The following NCKAP5 variants were observed in gnomAD, a reference collection of about 807,000 sequenced individuals.
NCKAP5 encodes the protein nck-associated protein 5.
NCKAP5 carries 92 observed loss-of-function variants against 167.0 expected under a neutral mutation model. That is an observed-to-expected ratio of 0.55 (90% CI 0.47 to 0.66). The LOEUF is 0.66. Ranked by LOEUF, NCKAP5 falls within the 30% of genes least tolerant of loss-of-function variation. NCKAP5 has a pLI of 0.00. For synonymous variants in NCKAP5, 891 were observed against 877.4 expected, an observed-to-expected ratio of 1.02 and a Z score of -0.27; for missense variants, 2,378 against 2,315.0, an observed-to-expected ratio of 1.03 and a Z score of -0.56.
At chr2:133,531,985 A>T (rs1685404411) in intron 2 of NCKAP5, among the ~76,000 whole-genome samples, 1 of 152,188 alleles carries the variant, frequency 6.6e-6, no homozygotes, top group Non-Finnish European at 1.5e-5. Context: ...CCCCTGTAGT[A>T]GGAAAGCATT....
chr2:133,609,202 G>A, the NCKAP5 span, among the ~76,000 whole-genome samples: 1 of 151,966 alleles, frequency 6.6e-6, no homozygotes, highest in Admixed American at 6.6e-5. Flanking sequence ...CTGCTTTGTG[G>A]GATTTTTTAA....
intron 6 of NCKAP5, among the ~76,000 whole-genome samples, chr2:133,074,219 C>T (rs1363834996): frequency 6.6e-6 from 1 of 151,592 alleles, no homozygotes; most frequent in Non-Finnish European, 1.5e-5. Flanking sequence ...GAAACAATTC[C>T]TGAGATGATG....
intron 8 of NCKAP5, 50 bp from the exon 9 acceptor site, chr2:132,878,966 T>A: frequency 7.0e-7 from 1 of 1,436,040 alleles, no homozygotes; most frequent in Non-Finnish European, 9.8e-7. Context: ...AATGTTGTGT[T>A]ATGTGACAAC....
chr2:132,898,383 G>T (rs1313926669), intron 8 of NCKAP5, among the ~76,000 whole-genome samples: 2 of 152,144 alleles, frequency 1.3e-5, no homozygotes, highest in African/African-American at 4.8e-5. Context: ...GTTATCCATT[G>T]GGGTTGGAAT....
the NCKAP5 span, among the ~76,000 whole-genome samples, chr2:133,586,713 C>A: frequency 6.6e-6 from 1 of 151,250 alleles, no homozygotes; most frequent in Non-Finnish European, 1.5e-5. Flanking sequence ...ATCTGGGGTA[C>A]AATCATTGGC....
At chr2:133,265,235 C>T (rs2089133150) in intron 4 of NCKAP5, 1 of 152,250 alleles carries the variant, frequency 6.6e-6, no homozygotes, top group South Asian at 2.1e-4. Flanking sequence ...CGTCCAGCAA[C>T]ACGGGCCTCA....
chr2:133,424,715 C>T lies in NCKAP5; in HGVS notation c.69+92743G>A, dbSNP rs533479627. 1.4e-4 allele frequency among the ~76,000 whole-genome samples: 22 copies of T among 152,218 alleles called. No homozygotes were observed. The South Asian group carries it at 3.9e-3, about 27-fold the overall frequency. On this transcript the variant is annotated intron_variant, in intron 3 of 19. Transcript: ENST00000409261. The stretch of plus-strand genomic sequence containing the variant: ...GCTAGCAATGTAGCCTCATTAGGAA[C>T]GTGTTAGAAGTAGACGAACCTGGTT...
intron 4 of NCKAP5, among the ~76,000 whole-genome samples, chr2:133,221,594 C>T (rs866566588): frequency 4.6e-5 from 7 of 152,176 alleles, no homozygotes; most frequent in African/African-American, 7.2e-5. Flanking sequence ...AGCATGCCTA[C>T]GCACATGCCT....
At chr2:132,740,335 G>T (rs1679071026) in intron 16 of NCKAP5, among the ~76,000 whole-genome samples, 1 of 152,094 alleles carries the variant, frequency 6.6e-6, no homozygotes, top group Admixed American at 6.6e-5. Context: ...GGTCTCTCCA[G>T]GTTCCTAAAC....
chr2:133,412,020 G>T (rs1035355553), intron 3 of NCKAP5, among the ~76,000 whole-genome samples: 6 of 152,108 alleles, frequency 3.9e-5, no homozygotes, highest in African/African-American at 1.2e-4. Context: ...AGGGGAGGAG[G>T]CAGCTAGCTC....
chr2:133,330,823 G>T (rs60365580), intron 3 of NCKAP5, among the ~76,000 whole-genome samples: 1 of 152,076 alleles, frequency 6.6e-6, no homozygotes, highest in African/African-American at 2.4e-5. Flanking sequence ...CTTCAGCCCC[G>T]GGATTTAAGT....
At chr2:133,031,981 G>A (rs2078895620) in intron 6 of NCKAP5, among the ~76,000 whole-genome samples, 2 of 152,126 alleles carry the variant, frequency 1.3e-5, no homozygotes, top group Admixed American at 1.3e-4. Flanking sequence ...TACTATGTAG[G>A]TAAGGACCTT....
At chr2:132,893,763 C>CT (rs1358900454) in intron 8 of NCKAP5, among the ~76,000 whole-genome samples, 1 of 152,152 alleles carries the variant, frequency 6.6e-6, no homozygotes, top group Non-Finnish European at 1.5e-5. Flanking sequence ...CCCTAGGCTA[C>CT]TAGCAATGTT....
At chr2:133,064,064 A>G (rs2080104527) in intron 6 of NCKAP5, among the ~76,000 whole-genome samples, 1 of 152,218 alleles carries the variant, frequency 6.6e-6, no homozygotes, top group African/African-American at 2.4e-5. Flanking sequence ...CAAGATTGCT[A>G]TTTGACTTCT....
At chr2:132,794,648 T>TACACACACAC (rs4057986) in intron 12 of NCKAP5, among the ~76,000 whole-genome samples, 19,719 of 142,416 alleles carry the variant, frequency 0.14, 1,473 homozygotes, top group East Asian at 0.25. Flanking sequence ...CAACAACAAA[T>TACACACACAC]ACACACACAC....
At chr2:133,351,034 A>G (rs891537204) in intron 3 of NCKAP5, among the ~76,000 whole-genome samples, 1 of 152,114 alleles carries the variant, frequency 6.6e-6, no homozygotes, top group Non-Finnish European at 1.5e-5. Context: ...GTAATTTGAC[A>G]TCTGTGTCTA....
rs542169001 is a variant in NCKAP5 at position 133,487,816 on chromosome 2, A to G, written c.69+29642T>C. Among the ~76,000 whole-genome samples the G allele has an allele frequency of 4.6e-5, 7 of 152,306 alleles. No individual in the cohort carries two copies. The East Asian group carries it at 1.2e-3, about 25-fold the overall frequency. On this transcript the variant is annotated intron_variant, in intron 3 of 19. Transcript: ENST00000409261. ...TAGCACCCAGAAAGACGTAAAGTCC[A>G]GTTCTCAAAGACCCACGACCACCAA...
chr2:133,323,020 A>T (rs1265534518), intron 3 of NCKAP5, among the ~76,000 whole-genome samples: 1 of 152,210 alleles, frequency 6.6e-6, no homozygotes, highest in Non-Finnish European at 1.5e-5. Flanking sequence ...GGAAAGACAG[A>T]CAATATTCTT....
At chr2:132,980,469 TGA>T (rs1474485238) in intron 7 of NCKAP5, among the ~76,000 whole-genome samples, 4 of 152,144 alleles carry the variant, frequency 2.6e-5, no homozygotes, top group African/African-American at 9.7e-5. Context: ...CAGCCAAATT[TGA>T]GAGTCACTGG....
Sources: allele counts gnomAD v4.1 joint callset (sites outside exome capture counted in the v4.1 genomes callset), GRCh38; gene constraint gnomAD v4.1.1; transcripts MANE v1.5; gene names NCBI Gene and HGNC (gene_info 2026-07-23, HGNC 2026-07-21).